SLC25A33: variants seen among roughly 807,000 people sequenced by gnomAD.
SLC25A33 encodes solute carrier family 25 member 33, also known as bone marrow stromal cell mitochondrial carrier protein.
Under a neutral mutation model 35.5 loss-of-function variants are expected in SLC25A33, and 15 were observed. The observed-to-expected ratio is 0.42, with a 90% CI of 0.28 to 0.65. The LOEUF (loss-of-function observed/expected upper bound fraction) is 0.65. Among genes scored for constraint, SLC25A33 ranks in the 30% least tolerant of loss-of-function variants. SLC25A33 has a pLI of 0.20. For missense variants in SLC25A33, 257 were observed against 398.5 expected (o/e 0.64, Z 3.02); for synonymous variants, 136 against 148.7 (o/e 0.91, Z 0.62).
At chr1:9,568,117 T>C (rs912968409) in intron 3 of SLC25A33, among the ~76,000 whole-genome samples, 1 of 151,966 alleles carries the variant, frequency 6.6e-6, no homozygotes, top group East Asian at 1.9e-4. Context: ...CAGAGACAGA[T>C]AGAGAATAGC....
chr1:9,544,627 A>G (rs1343307390), intron 1 of SLC25A33, among the ~76,000 whole-genome samples: 1 of 152,140 alleles, frequency 6.6e-6, no homozygotes, highest in East Asian at 1.9e-4. Context: ...AAAAGCACCT[A>G]ATGTTTTTTA....
intron 2 of SLC25A33, among the ~76,000 whole-genome samples, chr1:9,562,361 A>AAG (rs1368819200): frequency 6.6e-6 from 1 of 151,630 alleles, no homozygotes; most frequent in African/African-American, 2.4e-5. Context: ...AAAAAAAAAA[A>AAG]AAAAATTAGC....
At chr1:9,554,953 C>G (rs1643318958) in intron 2 of SLC25A33, among the ~76,000 whole-genome samples, 1 of 151,908 alleles carries the variant, frequency 6.6e-6, no homozygotes, top group South Asian at 2.1e-4. Flanking sequence ...TTTAACTGAG[C>G]ATGATATTCA....
intron 2 of SLC25A33, among the ~76,000 whole-genome samples, chr1:9,564,414 A>T (rs1205502893): frequency 3.3e-5 from 5 of 152,130 alleles, no homozygotes; most frequent in Admixed American, 6.6e-5. Context: ...CAGCAATTCC[A>T]CTTGGATTCC....
At chr1:9,556,683 G>C (rs939047205) in intron 2 of SLC25A33, among the ~76,000 whole-genome samples, 1 of 144,566 alleles carries the variant, frequency 6.9e-6, no homozygotes, top group South Asian at 2.1e-4. Flanking sequence ...GTCTGTGTCT[G>C]TGTGTGTGTG....
intron 2 of SLC25A33, among the ~76,000 whole-genome samples, chr1:9,566,846 AAAT>A (rs1429191482): frequency 1.3e-5 from 2 of 151,708 alleles, no homozygotes; most frequent in South Asian, 4.2e-4. Flanking sequence ...AACTCCGTCT[AAAT>A]AATAATAATA....
chr1:9,539,946 T>G (rs1383480577), intron 1 of SLC25A33, among the ~76,000 whole-genome samples, 199 bp downstream of exon 1: 2 of 151,948 alleles, frequency 1.3e-5, no homozygotes, highest in Non-Finnish European at 2.9e-5. Flanking sequence ...CACCCCTACG[T>G]CCTGACCGCA....
rs767255565 is a variant in SLC25A33 at position 9,578,214 on chromosome 1, G to A, written c.483-1740G>A. On this transcript the variant is annotated intron_variant, in intron 5 of 6. Transcript: ENST00000302692. This position sits in a 1 kb window ranked among gnomAD's most constrained non-coding sequence, Gnocchi z 4.3. ...AATACAGGTGTGAGCCACCGCACCC[G>A]GCCTCTGGATGGTTTTAAGCACGGG... Among the ~76,000 whole-genome samples, 10 of 151,880 alleles carry A rather than the reference G, an allele frequency of 6.6e-5. No individual in the cohort carries two copies. Among genetic ancestry groups the A allele is most frequent in the Admixed American group, 1.3e-4 (2 of 15,250 alleles).
intron 2 of SLC25A33, 49 bp from the exon 3 acceptor site, chr1:9,567,235 T>C: frequency 6.7e-7 from 1 of 1,486,694 alleles, no homozygotes; most frequent in Non-Finnish European, 9.3e-7. Flanking sequence ...TCATTTTTAA[T>C]AGGCCTTGCC....
At chr1:9,576,398 A>T (rs1483206334) in intron 5 of SLC25A33, 4 of 365,268 alleles carry the variant, frequency 1.1e-5, no homozygotes, top group Non-Finnish European at 2.1e-5. Context: ...AAGAATAGCC[A>T]GGTGGGCTTT....
chr1:9,581,729 C>CA (rs34855299), intron 6 of SLC25A33, among the ~76,000 whole-genome samples: 8,554 of 77,208 alleles, frequency 0.11, 874 homozygotes, highest in African/African-American at 0.32. Flanking sequence ...GACTCTGCCT[C>CA]AAAAAAAAAA....
chr1:9,559,714 A>C (rs1643393940), intron 2 of SLC25A33, among the ~76,000 whole-genome samples: 1 of 152,206 alleles, frequency 6.6e-6, no homozygotes, highest in Admixed American at 6.5e-5. Context: ...GGCTTAACAG[A>C]GGGTGGCTCC....
At position 9,539,727 on chromosome 1, in the gene SLC25A33, G is replaced by T; in HGVS notation, c.36G>T (p.Leu12=). The T allele has an allele frequency of 7.1e-7, 1 of 1,410,096 alleles. No homozygotes were observed. The highest frequency in any genetic ancestry group is 1.4e-5 in the South Asian group (1 of 70,592). The allele number at this position is 1,410,096 out of a possible 1,614,324, so 87.3% of individuals were successfully genotyped here. ...GCGGCCAGCAGAAGGAGAACACGCT[G>T]CTTCACCTCTTCGCCGGCGGGTGAG... ...ATGGQQKENT[L]LHLFAGGCGG... is the part of the protein sequence containing the mutation. Residue 12 remains leucine (L), a synonymous_variant, in exon 1 of 7, where the codon CTG becomes CTT. Coordinates refer to ENST00000302692, the MANE Select transcript of SLC25A33 (RefSeq NM_032315.3).
chr1:9,564,739 A>AAAAAATATATATATATATAT (rs60174872), intron 2 of SLC25A33, among the ~76,000 whole-genome samples: 7 of 96,540 alleles, frequency 7.3e-5, no homozygotes, highest in African/African-American at 3.1e-4. Flanking sequence ...AAAAAAAAAA[A>AAAAAATATATATATATATAT]ATATATATAT....
chr1:9,580,272 G>A, intron 6 of SLC25A33, 38 bp downstream of exon 6: 2 of 1,596,698 alleles, frequency 1.3e-6, no homozygotes, highest in Non-Finnish European at 1.7e-6. Flanking sequence ...CAGTAAAACA[G>A]CTGTCACGTT....
chr1:9,572,896 C>G lies in SLC25A33; in HGVS notation c.416-450C>G, dbSNP rs1420319715. ...AGCCTGAGCAACAAGGGAGACCCGT[C>G]TCTACAAAAAAAAAAAAAAAAATTT... On this transcript the variant is annotated intron_variant, in intron 4 of 6. Transcript: ENST00000302692. Among the ~76,000 whole-genome samples the G allele has an allele frequency of 4.3e-5, 6 of 140,552 alleles. No individual in the cohort carries two copies. In the East Asian group the frequency reaches 1.0e-3, roughly 24 times the overall value. 92.2% of individuals were successfully genotyped at this position (140,552 alleles called of 152,430 possible).
intron 5 of SLC25A33, among the ~76,000 whole-genome samples, chr1:9,574,118 C>CTTTTTTTTTTTTTTTTT (rs57215050): frequency 1.5e-5 from 2 of 134,362 alleles, no homozygotes; most frequent in Admixed American, 1.5e-4. Flanking sequence ...CTTTTCTTTT[C>CTTTTTTTTTTTTTTTTT]TTTTTTTTTT....
chr1:9,571,515 G>A (rs1462019199), intron 4 of SLC25A33, among the ~76,000 whole-genome samples: 2 of 151,996 alleles, frequency 1.3e-5, no homozygotes, highest in East Asian at 1.9e-4. Flanking sequence ...GGATAGTCTC[G>A]ATCTGCCTGC....
At chr1:9,575,649 G>A (rs1643653748) in intron 5 of SLC25A33, among the ~76,000 whole-genome samples, 1 of 152,036 alleles carries the variant, frequency 6.6e-6, no homozygotes, top group East Asian at 1.9e-4. Context: ...AAGGAGGCAG[G>A]GAGTACCCCA....
Sources: allele counts gnomAD v4.1 joint callset (sites outside exome capture counted in the v4.1 genomes callset), GRCh38; gene constraint gnomAD v4.1.1; non-coding constraint Gnocchi (gnomAD v3.1); transcripts MANE v1.5; gene names NCBI Gene and HGNC (gene_info 2026-07-23, HGNC 2026-07-21).